Variants in RHOH observed in about 807,000 individuals in gnomAD.
The protein encoded by RHOH is ras homolog family member H, also known as rho-related GTP-binding protein RhoH.
In RHOH, 6 loss-of-function variants were observed where a neutral mutation model predicts 13.8. That is an observed-to-expected ratio of 0.44 (90% CI 0.24 to 0.86). RHOH has a LOEUF of 0.86. Among genes scored for constraint, RHOH ranks in the 40% least tolerant of loss-of-function variants. The pLI is 0.24. For missense variants in RHOH, 147 were observed against 244.5 expected (o/e 0.60, Z 2.66); for synonymous variants, 117 against 103.0 (o/e 1.14, Z -0.82).
At chr4:40,191,167 C>T (rs1327182595), upstream of RHOH, 1 of 152,184 alleles carries the variant, frequency 6.6e-6, no homozygotes, top group African/African-American at 2.4e-5. Flanking sequence ...GGGCCCTTGA[C>T]CCAAAGATAC....
chr4:40,198,204 C>T, intron 1 of RHOH, among the ~76,000 whole-genome samples: 1 of 152,102 alleles, frequency 6.6e-6, no homozygotes, highest in East Asian at 1.9e-4. Context: ...CTGGAGTTGT[C>T]AGGAAGATCT....
intron 1 of RHOH, among the ~76,000 whole-genome samples, chr4:40,198,886 G>T (rs748271602): frequency 6.6e-6 from 1 of 152,092 alleles, no homozygotes; most frequent in Admixed American, 6.6e-5. Flanking sequence ...TTCTTTTTCT[G>T]GACGTTGTTT....
At chr4:40,210,617 C>T (rs1725159003) in intron 1 of RHOH, among the ~76,000 whole-genome samples, 1 of 152,012 alleles carries the variant, frequency 6.6e-6, no homozygotes, top group South Asian at 2.1e-4. Context: ...ATTAACAATT[C>T]CCTTAGAGCA....
At chr4:40,225,687 G>C (rs1727140847) in intron 1 of RHOH, among the ~76,000 whole-genome samples, 1 of 152,206 alleles carries the variant, frequency 6.6e-6, no homozygotes, top group African/African-American at 2.4e-5. Flanking sequence ...CAGGCTTGTA[G>C]TAAGAAGGAA....
chr4:40,229,240 A>G (rs896815851), intron 1 of RHOH, among the ~76,000 whole-genome samples: 1 of 152,210 alleles, frequency 6.6e-6, no homozygotes, highest in Non-Finnish European at 1.5e-5. Context: ...TTCCATGAAC[A>G]TGCCTTCAAA....
At chr4:40,217,605 C>G (rs1298335409) in intron 1 of RHOH, among the ~76,000 whole-genome samples, 1 of 152,102 alleles carries the variant, frequency 6.6e-6, no homozygotes, top group East Asian at 1.9e-4. Flanking sequence ...ACATACTTTT[C>G]CCCACATTAT....
At chr4:40,240,542 C>A (rs1729120188) in intron 1 of RHOH, among the ~76,000 whole-genome samples, 1 of 149,142 alleles carries the variant, frequency 6.7e-6, no homozygotes, top group Non-Finnish European at 1.5e-5. Flanking sequence ...TTTGGGAGGC[C>A]AAGGCGGGTG....
In RHOH at chr4:40,243,724, T is replaced by C. The variant is rs750444957; in HGVS notation, c.338T>C (p.Val113Ala). The change falls in exon 3 of 3, where the codon GTG becomes GCG. Residue 113 changes from valine to alanine, a missense_variant. This residue lies in a region of RHOH where 80 missense variants were observed against 152.0 expected (regional missense o/e 0.53). Transcript: ENST00000381799. This position sits in a 1 kb window ranked among gnomAD's most constrained non-coding sequence, Gnocchi z 6.2. ...AACTTGCCCTGTACCCCTGTGCTGG[T>C]GGTGGCCACCCAGACTGACCAGCGG... is the stretch of plus-strand genomic sequence containing the variant. The part of the protein sequence containing the change: ...RSNLPCTPVL[V>A]VATQTDQREM... 6.2e-7 allele frequency: 1 copy of C among 1,614,108 alleles called. No individual in the cohort carries two copies. Among genetic ancestry groups the C allele is most frequent in the Non-Finnish European group, 8.5e-7 (1 of 1,180,008 alleles).
At chr4:40,193,479 C>CGA (rs34244157), upstream of RHOH, among the ~76,000 whole-genome samples, 18,338 of 88,486 alleles carry the variant, frequency 0.21, 1,925 homozygotes, top group Middle Eastern at 0.28. Flanking sequence ...AGAATGAGAG[C>CGA]GAGAGAGAGA....
rs118083012 is a variant in RHOH, at chr4:40,232,251, G to A, written c.-330-10463G>A. On this transcript the variant is annotated intron_variant, in intron 1 of 2. Coordinates refer to ENST00000381799, the MANE Select transcript of RHOH (RefSeq NM_004310.5). ...CAGTTTTTTTATTTTTTGAGACAGG[G>A]TCTTGCTTTGTTGCCCAGGCTGGAG... is the stretch of plus-strand genomic sequence containing the variant. Among the ~76,000 whole-genome samples the A allele has an allele frequency of 9.2e-3, 1,406 of 152,244 alleles. 45 individuals carry two copies. Among genetic ancestry groups the A allele is most frequent in the East Asian group, 0.069 (357 of 5,184 alleles).
Position 40,197,081 on chromosome 4 carries a change from T to C in RHOH, c.-550T>C, listed in dbSNP as rs1723226468. 2 of 152,208 alleles carry C rather than the reference T, an allele frequency of 1.3e-5. No homozygotes were observed. The highest frequency in any genetic ancestry group is 2.4e-5 in the African/African-American group (1 of 41,432). The allele number at this position is 152,208 out of a possible 1,614,324, so 9.4% of individuals were successfully genotyped here. ...CCCACACACACTAACCCAACCATCTTGGGGTGGACTCCCTGCCAGCCCAAC... is the reference window on the plus strand; with the variant it reads ...CCCACACACACTAACCCAACCATCTCGGGGTGGACTCCCTGCCAGCCCAAC... On this transcript the variant is annotated 5_prime_UTR_variant, in exon 1 of 3. Transcript: ENST00000381799.
At chr4:40,211,497 C>T (rs755734339) in intron 1 of RHOH, among the ~76,000 whole-genome samples, 1 of 152,156 alleles carries the variant, frequency 6.6e-6, no homozygotes, top group Non-Finnish European at 1.5e-5. Context: ...TGGTCTTGAA[C>T]TCCCGGCCTC....
chr4:40,233,660 A>G (rs890747530), intron 1 of RHOH, among the ~76,000 whole-genome samples: 2 of 152,202 alleles, frequency 1.3e-5, no homozygotes, highest in African/African-American at 2.4e-5. Context: ...CATAGGCAAC[A>G]TGTCAATGAA....
At chr4:40,196,206 T>C (rs1377216838), upstream of RHOH, among the ~76,000 whole-genome samples, 2 of 152,206 alleles carry the variant, frequency 1.3e-5, no homozygotes. Context: ...GTTGACTTTA[T>C]CCTTACGGTC....
chr4:40,238,314 T>C (rs1728832280), intron 1 of RHOH, among the ~76,000 whole-genome samples: 1 of 152,044 alleles, frequency 6.6e-6, no homozygotes, highest in Admixed American at 6.5e-5. Flanking sequence ...TTCCAGCCAA[T>C]AGGATGGCAC....
intron 1 of RHOH, among the ~76,000 whole-genome samples, chr4:40,211,156 A>G (rs985044629): frequency 1.3e-5 from 2 of 152,208 alleles, no homozygotes; most frequent in Non-Finnish European, 1.5e-5. Context: ...ATTTCGATGT[A>G]TATCTTTGTA....
chr4:40,200,119 G>A (rs1196905846), intron 1 of RHOH, among the ~76,000 whole-genome samples: 3 of 152,150 alleles, frequency 2.0e-5, no homozygotes, highest in Admixed American at 6.5e-5. Flanking sequence ...GGGGGCTGGG[G>A]TGGGCTGTGA....
Position 40,243,637 on chromosome 4 carries a change from CTG to C in RHOH, c.254_255del (p.Val85GlyfsTer4). 6.2e-7 allele frequency: 1 copy of C among 1,614,204 alleles called. No homozygotes were observed. The highest frequency in any genetic ancestry group is 8.5e-7 in the Non-Finnish European group (1 of 1,180,042). On this transcript the variant is annotated frameshift_variant, in exon 3 of 3. Transcript: ENST00000381799. LOFTEE classifies it high-confidence loss of function. The surrounding 1 kb of genome is among the most constrained non-coding windows in gnomAD (Gnocchi z 6.2). ...GCAGACGTGGTGCTGATGTGCTACT[CTG>C]TGGCCAACCATAACTCATTCCTGAA...
intron 1 of RHOH, among the ~76,000 whole-genome samples, chr4:40,223,289 C>T (rs1726800924): frequency 6.6e-6 from 1 of 152,046 alleles, no homozygotes; most frequent in Non-Finnish European, 1.5e-5. Context: ...TTTCATGCTA[C>T]AGAGAAATCT....
Sources: allele counts gnomAD v4.1 joint callset (sites outside exome capture counted in the v4.1 genomes callset), GRCh38; gene constraint gnomAD v4.1.1; regional missense constraint gnomAD v4.1.1; non-coding constraint Gnocchi (gnomAD v3.1); transcripts MANE v1.5; gene names NCBI Gene and HGNC (gene_info 2026-07-23, HGNC 2026-07-21).